TRIP13: variants seen among roughly 807,000 people sequenced by gnomAD.
The protein encoded by TRIP13 is thyroid hormone receptor interactor 13.
A neutral mutation model predicts 54.4 loss-of-function variants in TRIP13; 25 were observed. The ratio of observed to expected loss-of-function variants is 0.46; its 90% CI spans 0.33 to 0.64. The LOEUF (loss-of-function observed/expected upper bound fraction) is 0.64, where lower values mean the gene tolerates loss of function less well. TRIP13 is among the 30% of genes least tolerant of loss of function. TRIP13 has a pLI of 0.02. For synonymous variants in TRIP13, 207 were observed against 207.8 expected (o/e 1.00, Z 0.03); for missense variants, 373 against 534.2 (o/e 0.70, Z 2.97).
In TRIP13 at chr5:917,849, C is replaced by G. The variant is rs1031967287; in HGVS notation, c.*746C>G. On this transcript the variant is annotated 3_prime_UTR_variant, in exon 13 of 13. Coordinates refer to ENST00000166345, the MANE Select transcript of TRIP13 (RefSeq NM_004237.4). ...TTTGTGCAATAACGTTATCACATTT[C>G]TAATGAGGATTCACATTAATATAAT... is the stretch of plus-strand genomic sequence containing the variant. 12 of 152,134 alleles carry G rather than the reference C, an allele frequency of 7.9e-5. No individual in the cohort carries two copies. The highest frequency in any genetic ancestry group is 2.9e-4 in the African/African-American group (12 of 41,410). The allele number at this position is 152,134 out of a possible 1,614,324, so 9.4% of individuals were successfully genotyped here.
Position 917,077 on chromosome 5 carries a change from A to G in TRIP13, c.1273A>G (p.Arg425Gly). The G allele has an allele frequency of 1.2e-6, 2 of 1,614,070 alleles. No homozygotes were observed. Among genetic ancestry groups the G allele is most frequent in the Non-Finnish European group, 1.7e-6 (2 of 1,180,000 alleles). ...SLAVDKQFEE[R>G]KKLAAYI ...GGCAGTGGACAAGCAGTTTGAAGAG[A>G]GAAAGAAGCTTGCAGCTTACATCTG... The change falls in exon 13 of 13, where the codon AGA becomes GGA. Residue 425 changes from arginine to glycine, a missense_variant. Arg to Gly is a moderately radical substitution (Grantham distance 125). Coordinates refer to ENST00000166345, the MANE Select transcript of TRIP13 (RefSeq NM_004237.4).
chr5:914,194 C>T lies in TRIP13; in HGVS notation c.1021-271C>T, dbSNP rs72703193. 0.081 allele frequency among the ~76,000 whole-genome samples: 12,343 copies of T among 152,100 alleles called. 730 individuals are homozygous for T. Among genetic ancestry groups the T allele is most frequent in the African/African-American group, 0.17 (6,929 of 41,466 alleles). ...CACACAGGGAGGAAAAGTTTTGGCTCGAAACACAGAAGAGGCTATGTTGCT... is the reference window on the plus strand; with the variant it reads ...CACACAGGGAGGAAAAGTTTTGGCTTGAAACACAGAAGAGGCTATGTTGCT... On this transcript the variant is annotated intron_variant, in intron 10 of 12. Coordinates refer to ENST00000166345, the MANE Select transcript of TRIP13 (RefSeq NM_004237.4).
intron 1 of TRIP13, 148 bp downstream of exon 1, chr5:893,238 C>A: frequency 1.2e-6 from 1 of 802,094 alleles, no homozygotes; most frequent in Non-Finnish European, 1.9e-6. Flanking sequence ...GCGCACAGGC[C>A]GCCGGGCCCC....
rs146340715 is a variant in TRIP13, at chr5:909,208, C to G, written c.866+747C>G. ...CAGCCCAGCCTCACAGGGCCAGGGC[C>G]TGTTGTCATTGTAGCCCAAGTTTAT... On this transcript the variant is annotated intron_variant, in intron 9 of 12. Coordinates refer to ENST00000166345, the MANE Select transcript of TRIP13 (RefSeq NM_004237.4). Among the ~76,000 whole-genome samples, 30 of 152,286 alleles carry G rather than the reference C, an allele frequency of 2.0e-4. No individual in the cohort carries two copies. In the East Asian group the frequency reaches 4.8e-3, roughly 25 times the overall value.
intron 9 of TRIP13, among the ~76,000 whole-genome samples, chr5:909,136 G>C (rs1218332580): frequency 6.6e-6 from 1 of 152,212 alleles, no homozygotes; most frequent in Non-Finnish European, 1.5e-5. Context: ...TGCTCGCCCT[G>C]CTGGCCCAGG....
At chr5:895,038 T>G (rs1161135609) in intron 2 of TRIP13, 86 bp downstream of exon 2, 1 of 1,426,796 alleles carries the variant, frequency 7.0e-7, no homozygotes, top group Admixed American at 2.2e-5. Flanking sequence ...TCATAGCCTG[T>G]TGTCAGAAAC....
Position 893,100 on chromosome 5 carries a change from A to G in TRIP13, c.92+10A>G, listed in dbSNP as rs376619779. ...ATCAGCGCGGCAGCAGGTGAGCCGG[A>G]CCTGTCCGACACATCCTCTGGGCAC... On this transcript the variant is annotated intron_variant, in intron 1 of 12. Transcript: ENST00000166345. The G allele has an allele frequency of 1.3e-4, 198 of 1,581,206 alleles. 1 individual carries two copies. Among genetic ancestry groups the G allele is most frequent in the Admixed American group, 3.5e-4 (20 of 56,756 alleles).
chr5:900,406 C>A, intron 3 of TRIP13, 88 bp from the exon 4 acceptor site: 1 of 1,340,804 alleles, frequency 7.5e-7, no homozygotes, highest in Non-Finnish European at 1.1e-6. Context: ...CAATGGGAAG[C>A]TCAGGCTTAG....
chr5:906,794 A>C (rs1435238120), intron 6 of TRIP13, among the ~76,000 whole-genome samples: 1 of 152,220 alleles, frequency 6.6e-6, no homozygotes, highest in Non-Finnish European at 1.5e-5. Flanking sequence ...AGCTCCTGCC[A>C]AAAGCTCTTG....
Position 892,990 on chromosome 5 carries a change from G to C in TRIP13, c.-9G>C. ...CCCTGGTTGGGTCCCCACTGCTCTC[G>C]GGGGCGCCATGGACGAGGCCGTGGG... On this transcript the variant is annotated 5_prime_UTR_variant, in exon 1 of 13. Coordinates refer to ENST00000166345, the MANE Select transcript of TRIP13 (RefSeq NM_004237.4). 6.4e-7 allele frequency: 1 copy of C among 1,564,910 alleles called. No homozygotes were observed. The highest frequency in any genetic ancestry group is 8.6e-7 in the Non-Finnish European group (1 of 1,160,756).
chr5:901,998 C>T (rs1325225801), intron 5 of TRIP13, among the ~76,000 whole-genome samples: 1 of 152,186 alleles, frequency 6.6e-6, no homozygotes, highest in African/African-American at 2.4e-5. Context: ...CTCAGATGCC[C>T]CAAACGTGGA....
In TRIP13 at chr5:911,834, C is replaced by G. The variant is rs747484063; in HGVS notation, c.867-9C>G. 5 of 1,604,424 alleles carry G rather than the reference C, an allele frequency of 3.1e-6. No individual in the cohort carries two copies. In the South Asian group the frequency reaches 5.5e-5, roughly 18 times the overall value. On this transcript the variant is annotated splice_polypyrimidine_tract_variant and intron_variant, in intron 9 of 12. Coordinates refer to ENST00000166345, the MANE Select transcript of TRIP13 (RefSeq NM_004237.4). The surrounding 1 kb of genome is among the most constrained non-coding windows in gnomAD (Gnocchi z 4.7). The stretch of plus-strand genomic sequence containing the variant: ...GATGACTGTGGTGCTTGCTTCTCGG[C>G]CACAACAGGCATTCCAATGTTGTGA...
chr5:908,191 C>T lies in TRIP13; in HGVS notation c.759+117C>T, dbSNP rs2150688267. 2 of 1,387,172 alleles carry T rather than the reference C, an allele frequency of 1.4e-6. No homozygotes were observed. Among genetic ancestry groups the T allele is most frequent in the Non-Finnish European group, 2.0e-6 (2 of 983,984 alleles). 85.9% of individuals were successfully genotyped at this position (1,387,172 alleles called of 1,614,324 possible). A position where few individuals can be genotyped will look rare whatever the true frequency, so the allele number is the denominator to read the frequency against. ...CCTACAGCCGGGCTGCCCTCTATCC[C>T]TCCCTGCACTGTGCGCCTTTCCACC... On this transcript the variant is annotated intron_variant, in intron 8 of 12. Transcript: ENST00000166345. The surrounding 1 kb of genome is among the most constrained non-coding windows in gnomAD (Gnocchi z 5.2).
At position 907,123 on chromosome 5, in the gene TRIP13, A is replaced by G; in HGVS notation, c.609-7A>G. 6.2e-7 allele frequency: 1 copy of G among 1,613,388 alleles called. No homozygotes were observed. Among genetic ancestry groups the G allele is most frequent in the Non-Finnish European group, 8.5e-7 (1 of 1,179,712 alleles). Reference sequence around the variant, plus strand: ...GTAATTCTCTCAACTCCTTTTTTCTATCTCAGGTACCGATATGGCCAATTA... The same window carrying G: ...GTAATTCTCTCAACTCCTTTTTTCTGTCTCAGGTACCGATATGGCCAATTA... On this transcript the variant is annotated splice_polypyrimidine_tract_variant and splice_region_variant and intron_variant, in intron 6 of 12. Transcript: ENST00000166345. This position sits in a 1 kb window ranked among gnomAD's most constrained non-coding sequence, Gnocchi z 4.1.
Position 907,020 on chromosome 5 carries a change from T to C in TRIP13, c.609-110T>C, listed in dbSNP as rs2150687502. ...TCAATTCTTTGTCAGTAATTGTAATTCCCCCGATGCTGGGCACTTGAGATG... is the reference window on the plus strand; with the variant it reads ...TCAATTCTTTGTCAGTAATTGTAATCCCCCCGATGCTGGGCACTTGAGATG... On this transcript the variant is annotated intron_variant, in intron 6 of 12. Transcript: ENST00000166345. The surrounding 1 kb of genome is among the most constrained non-coding windows in gnomAD (Gnocchi z 4.1). 1 of 810,616 alleles carries C rather than the reference T, an allele frequency of 1.2e-6. No homozygotes were observed. The highest frequency in any genetic ancestry group is 1.5e-5 in the South Asian group (1 of 65,074). The allele number at this position is 810,616 out of a possible 1,614,324, so 50.2% of individuals were successfully genotyped here. A position where few individuals can be genotyped will look rare whatever the true frequency, so the allele number is the denominator to read the frequency against.
chr5:910,248 CT>C (rs1488655741), intron 9 of TRIP13, among the ~76,000 whole-genome samples: 1 of 152,240 alleles, frequency 6.6e-6, no homozygotes, highest in Non-Finnish European at 1.5e-5. Flanking sequence ...CTGATGGCCC[CT>C]TCCCTGAATC....
Position 917,102 on chromosome 5 carries a change from G to C in TRIP13, c.1298G>C (p.Ter433SerextTer38). 6.2e-7 allele frequency: 1 copy of C among 1,613,862 alleles called. No homozygotes were observed. Among genetic ancestry groups the C allele is most frequent in the Non-Finnish European group, 8.5e-7 (1 of 1,179,936 alleles). ...EERKKLAAYI[*>S] is the part of the protein sequence containing the mutation. The stretch of plus-strand genomic sequence containing the variant: ...AGAAAGAAGCTTGCAGCTTACATCT[G>C]ATCCTGGGCTTCCCCATCTGGTGCT... Residue 433 changes from the stop codon to serine, a stop_lost, in exon 13 of 13, where the codon TGA becomes TCA. Coordinates refer to ENST00000166345, the MANE Select transcript of TRIP13 (RefSeq NM_004237.4).
At chr5:916,072 A>G in intron 12 of TRIP13, 99 bp downstream of exon 12, 1 of 1,268,060 alleles carries the variant, frequency 7.9e-7, no homozygotes, top group Non-Finnish European at 1.1e-6. Flanking sequence ...GCCTCATTTT[A>G]TCTCAGTTTC....
chr5:918,330 C>T (rs1189961319), downstream of TRIP13, among the ~76,000 whole-genome samples: 1 of 152,148 alleles, frequency 6.6e-6, no homozygotes, highest in African/African-American at 2.4e-5. This position sits in a 1 kb window ranked among gnomAD's most constrained non-coding sequence, Gnocchi z 4.3. Flanking sequence ...CAGAGCCTGG[C>T]TCTGGGGGTG....
Sources: gnomAD v4.1 joint callset for allele counts (sites outside exome capture counted in the v4.1 genomes callset) on GRCh38, gnomAD v4.1.1 for gene constraint, Gnocchi (gnomAD v3.1) non-coding constraint, MANE v1.5 for transcripts, NCBI Gene and HGNC (gene_info 2026-07-23, HGNC 2026-07-21) for gene names.